Variants in LDAH observed in about 807,000 individuals in gnomAD.
LDAH encodes the protein lipid droplet-associated hydrolase.
A neutral mutation model predicts 29.6 loss-of-function variants in LDAH; 26 were observed. The observed-to-expected ratio is 0.88, with a 90% CI of 0.64 to 1.22. The LOEUF (loss-of-function observed/expected upper bound fraction) is 1.22, where lower values mean the gene tolerates loss of function less well. LDAH is among the 50% of genes most tolerant of loss of function. The probability of loss-of-function intolerance (pLI) is 0.00; values close to 1 mark genes in which losing one functional copy is unlikely to be tolerated. For missense variants in LDAH, 344 were observed against 387.3 expected (o/e 0.89, Z 0.94); for synonymous variants, 117 against 133.0 (o/e 0.88, Z 0.83).
chr2:20,740,206 C>A lies in LDAH; in HGVS notation c.469-1G>T. ...GAAAGAGCAGAAAGGCACGAATTAC[C>A]TGCAATAAAGAAGCATACTTTGATG... On this transcript the variant is annotated splice_acceptor_variant, in intron 4 of 6. Transcript: ENST00000237822. LOFTEE classifies it high-confidence loss of function. 1 of 1,604,608 alleles carries A rather than the reference C, an allele frequency of 6.2e-7. No individual in the cohort carries two copies. The highest frequency in any genetic ancestry group is 8.5e-7 in the Non-Finnish European group (1 of 1,171,414).
At chr2:20,701,725 A>G in intron 5 of LDAH, 73 bp from the exon 6 acceptor site, 1 of 1,354,358 alleles carries the variant, frequency 7.4e-7, no homozygotes, top group Non-Finnish European at 1.0e-6. Flanking sequence ...TAATTTTAGT[A>G]AATTCATGTT....
intron 5 of LDAH, among the ~76,000 whole-genome samples, chr2:20,720,930 T>A (rs996651996): frequency 3.9e-5 from 6 of 152,176 alleles, no homozygotes; most frequent in African/African-American, 1.4e-4. Context: ...GATATCCATA[T>A]GCAGAAGAAT....
intron 3 of LDAH, among the ~76,000 whole-genome samples, chr2:20,787,198 C>T (rs1164579327): frequency 6.6e-6 from 1 of 152,216 alleles, no homozygotes; most frequent in Admixed American, 6.5e-5. Context: ...ATTTCCTTGT[C>T]TCTCTAGATT....
chr2:20,775,072 T>C lies in LDAH; in HGVS notation c.299-93A>G, dbSNP rs553547. 2,004 of 1,155,980 alleles carry C rather than the reference T, an allele frequency of 1.7e-3. 30 individuals carry two copies. In the African/African-American group the frequency reaches 0.028, roughly 16 times the overall value. The allele number at this position is 1,155,980 out of a possible 1,614,324, so 71.6% of individuals were successfully genotyped here. On this transcript the variant is annotated intron_variant, in intron 3 of 6. Coordinates refer to ENST00000237822, the MANE Select transcript of LDAH (RefSeq NM_021925.4). ...GATAACAATCATGATAAAAAGCAGTTACCATTTATCGAAAGCCTACAGTGT... is the reference window on the plus strand; with the variant it reads ...GATAACAATCATGATAAAAAGCAGTCACCATTTATCGAAAGCCTACAGTGT...
At chr2:20,704,318 T>C (rs4971517) in intron 5 of LDAH, among the ~76,000 whole-genome samples, 10,181 of 152,258 alleles carry the variant, frequency 0.067, 469 homozygotes, top group East Asian at 0.13. Context: ...CGCAGTTATA[T>C]ACTAAGAAGC....
At chr2:20,727,419 G>A (rs769223845) in intron 5 of LDAH, among the ~76,000 whole-genome samples, 5 of 152,074 alleles carry the variant, frequency 3.3e-5, no homozygotes, top group Non-Finnish European at 7.4e-5. Context: ...TCATTTAATA[G>A]TTCATTTTAT....
chr2:20,791,535 C>A (rs1670949842), intron 2 of LDAH, among the ~76,000 whole-genome samples: 1 of 152,214 alleles, frequency 6.6e-6, no homozygotes, highest in South Asian at 2.1e-4. Flanking sequence ...GACCTAGTGA[C>A]CCAAGTTCCA....
chr2:20,771,336 T>A (rs1330733526), intron 4 of LDAH, among the ~76,000 whole-genome samples: 1 of 152,206 alleles, frequency 6.6e-6, no homozygotes, highest in Non-Finnish European at 1.5e-5. Flanking sequence ...CTCAAAATCT[T>A]ACAAGAGTCA....
chr2:20,757,414 T>C (rs1404559601), intron 4 of LDAH, among the ~76,000 whole-genome samples: 8 of 152,184 alleles, frequency 5.3e-5, no homozygotes, highest in Admixed American at 5.2e-4. Flanking sequence ...CCCAATGGCA[T>C]CAAAGTGACC....
intron 4 of LDAH, among the ~76,000 whole-genome samples, chr2:20,765,790 A>G (rs1414295364): frequency 6.6e-6 from 1 of 152,198 alleles, no homozygotes; most frequent in African/African-American, 2.4e-5. Flanking sequence ...CTTACACAGC[A>G]GCTGGCTTCT....
intron 4 of LDAH, among the ~76,000 whole-genome samples, chr2:20,751,500 T>C (rs1203312666): frequency 1.3e-5 from 2 of 152,236 alleles, no homozygotes; most frequent in Non-Finnish European, 2.9e-5. Context: ...AACTTCTATC[T>C]TCAATGAATC....
intron 4 of LDAH, among the ~76,000 whole-genome samples, chr2:20,762,431 A>C (rs1668753925): frequency 1.3e-5 from 2 of 152,196 alleles, no homozygotes; most frequent in East Asian, 3.8e-4. Context: ...AACTACTATA[A>C]GCCACCTGGT....
chr2:20,789,415 GA>G, intron 3 of LDAH: 1 of 1,445,654 alleles, frequency 6.9e-7, no homozygotes, highest in Non-Finnish European at 9.1e-7. Flanking sequence ...CCAGTCTCAA[GA>G]AACTATGAGA....
Position 20,740,152 on chromosome 2 carries a change from G to A in LDAH, c.522C>T (p.Pro174=), listed in dbSNP as rs1280304481. The change falls in exon 5 of 7, where the codon CCC becomes CCT. Residue 174 remains proline, a synonymous_variant. Coordinates refer to ENST00000237822, the MANE Select transcript of LDAH (RefSeq NM_021925.4). The part of the protein sequence containing the change: ...FPTIERMSES[P]NGRIATPLLC... ...AAAGTGGAGTGGCAATTCTGCCATTGGGTGACTCAGACATTCGTTCAATTG... is the reference window on the plus strand; with the variant it reads ...AAAGTGGAGTGGCAATTCTGCCATTAGGTGACTCAGACATTCGTTCAATTG... 1 of 1,614,084 alleles carries A rather than the reference G, an allele frequency of 6.2e-7. No homozygotes were observed. The highest frequency in any genetic ancestry group is 1.3e-5 in the African/African-American group (1 of 75,044).
intron 5 of LDAH, among the ~76,000 whole-genome samples, chr2:20,719,220 A>T (rs1665464389): frequency 7.7e-6 from 1 of 129,156 alleles, no homozygotes. Flanking sequence ...AATAAAATGA[A>T]AAAGTTTTTT....
Position 20,685,679 on chromosome 2 carries a change from C to T in LDAH, c.*1224G>A, listed in dbSNP as rs4426494. ...TCCTCTAGGAGAAAAAGGAATATTT[C>T]TGATCCATGATCAACTGTCACTGCA... On this transcript the variant is annotated 3_prime_UTR_variant, in exon 7 of 7. Transcript: ENST00000237822. 3 of 1,546,696 alleles carry T rather than the reference C, an allele frequency of 1.9e-6. No homozygotes were observed. In the South Asian group the frequency reaches 3.6e-5, roughly 18 times the overall value.
intron 5 of LDAH, among the ~76,000 whole-genome samples, chr2:20,701,931 T>C (rs542283310): frequency 1.3e-5 from 2 of 152,296 alleles, no homozygotes; most frequent in African/African-American, 4.8e-5. Flanking sequence ...CCACAGCAGA[T>C]GATGTGTGCA....
At position 20,758,840 on chromosome 2, in the gene LDAH, G is replaced by C. The variant is rs371006235; in HGVS notation, c.468+15970C>G. The stretch of plus-strand genomic sequence containing the variant: ...AATGAGAAATTATAAAGTCAGGATG[G>C]AGCCCTAAGTGCAGGGACTGTAAGG... On this transcript the variant is annotated intron_variant, in intron 4 of 6. Coordinates refer to ENST00000237822, the MANE Select transcript of LDAH (RefSeq NM_021925.4). 1.6e-4 allele frequency among the ~76,000 whole-genome samples: 24 copies of C among 152,244 alleles called. No individual in the cohort carries two copies. In the South Asian group the frequency reaches 4.8e-3, roughly 30 times the overall value.
At chr2:20,797,226 G>A (rs146580250) in intron 2 of LDAH, among the ~76,000 whole-genome samples, 67 of 152,220 alleles carry the variant, frequency 4.4e-4, no homozygotes, top group African/African-American at 1.5e-3. Flanking sequence ...AGAAATTCTC[G>A]ATCAGGAATC....
Sources: allele counts gnomAD v4.1 joint callset (sites outside exome capture counted in the v4.1 genomes callset), GRCh38; gene constraint gnomAD v4.1.1; transcripts MANE v1.5; gene names NCBI Gene and HGNC (gene_info 2026-07-23, HGNC 2026-07-21).